The following SAMMSON variants were observed in gnomAD, a reference collection of about 807,000 sequenced individuals.
SAMMSON encodes long intergenic non-protein coding RNA 1212.
intron 2 of SAMMSON, among the ~76,000 whole-genome samples, chr3:70,429,266 AG>A (rs1167671606): frequency 1.3e-5 from 2 of 152,170 alleles, no homozygotes; most frequent in Non-Finnish European, 2.9e-5. Flanking sequence ...CTCAAAGATC[AG>A]ATGGTTGCAG....
At chr3:70,020,683 A>G (rs1347119433) in intron 3 of SAMMSON, among the ~76,000 whole-genome samples, 1 of 152,000 alleles carries the variant, frequency 6.6e-6, no homozygotes, top group Non-Finnish European at 1.5e-5. Context: ...TTCCTTTCCC[A>G]TTAGCTAATG....
intron 4 of SAMMSON, among the ~76,000 whole-genome samples, chr3:70,241,102 C>T (rs1490647237): frequency 6.6e-6 from 1 of 152,110 alleles, no homozygotes; most frequent in Non-Finnish European, 1.5e-5. Flanking sequence ...TCTGTGACTT[C>T]TGTTCATGGA....
At chr3:70,115,388 G>T (rs1373782172) in intron 4 of SAMMSON, among the ~76,000 whole-genome samples, 1 of 151,970 alleles carries the variant, frequency 6.6e-6, no homozygotes, top group African/African-American at 2.4e-5. Flanking sequence ...TTTCAAAAAG[G>T]ATTCTAAAAC....
In SAMMSON at chr3:70,007,439, A is replaced by T. The variant is rs2066932332; in HGVS notation, n.23-4918A>T. Among the ~76,000 whole-genome samples the T allele has an allele frequency of 3.3e-5, 5 of 152,226 alleles. No individual in the cohort carries two copies. The South Asian group carries it at 1.0e-3, about 32-fold the overall frequency. ...TTTCATGTGTCTGTTGGCTGCATAAATGTCTTCTTTTGAGAAGTGTCTGTT... is the reference window on the plus strand; with the variant it reads ...TTTCATGTGTCTGTTGGCTGCATAATTGTCTTCTTTTGAGAAGTGTCTGTT... On this transcript the variant is annotated intron_variant and non_coding_transcript_variant, in intron 1 of 9. Transcript: ENST00000642114.
intron 3 of SAMMSON, among the ~76,000 whole-genome samples, chr3:70,016,963 A>C (rs954061345): frequency 6.6e-6 from 1 of 152,172 alleles, no homozygotes; most frequent in African/African-American, 2.4e-5. Flanking sequence ...TTTTGGTACC[A>C]GTACCATGCT....
At chr3:70,370,760 A>G (rs1391039602) in intron 9 of SAMMSON, among the ~76,000 whole-genome samples, 1 of 151,888 alleles carries the variant, frequency 6.6e-6, no homozygotes, top group Non-Finnish European at 1.5e-5. Flanking sequence ...TCTTTCATTC[A>G]ACAGGTTGTG....
At chr3:70,113,776 T>C (rs1037622155) in intron 4 of SAMMSON, among the ~76,000 whole-genome samples, 1 of 152,098 alleles carries the variant, frequency 6.6e-6, no homozygotes, top group Non-Finnish European at 1.5e-5. Flanking sequence ...TGGGAAATAA[T>C]TAGGTTTAGA....
intron 9 of SAMMSON, among the ~76,000 whole-genome samples, chr3:70,389,057 T>G (rs1051605516): frequency 2.0e-5 from 3 of 152,074 alleles, no homozygotes; most frequent in Non-Finnish European, 2.9e-5. Flanking sequence ...TCTCTCTTGC[T>G]TCCTCTCTTG....
chr3:70,347,211 A>G (rs958975531), intron 7 of SAMMSON, among the ~76,000 whole-genome samples: 3 of 152,256 alleles, frequency 2.0e-5, no homozygotes, highest in African/African-American at 7.2e-5. Context: ...AGTGGCAAGT[A>G]CAAAAATTCC....
chr3:70,350,081 C>T (rs2106734207), intron 7 of SAMMSON, among the ~76,000 whole-genome samples: 1 of 152,268 alleles, frequency 6.6e-6, no homozygotes, highest in East Asian at 1.9e-4. Flanking sequence ...TGGTGACACA[C>T]TATGATCCAA....
chr3:70,235,116 T>C (rs1245983762), intron 4 of SAMMSON, among the ~76,000 whole-genome samples: 1 of 152,156 alleles, frequency 6.6e-6, no homozygotes, highest in Non-Finnish European at 1.5e-5. Flanking sequence ...CCAACCTCTA[T>C]TGGAGAAGAA....
intron 7 of SAMMSON, among the ~76,000 whole-genome samples, chr3:70,333,881 A>G (rs1380795710): frequency 1.3e-5 from 2 of 152,234 alleles, no homozygotes; most frequent in Non-Finnish European, 1.5e-5. Flanking sequence ...ACGTGAGAGA[A>G]ATTAAACTTG....
intron 3 of SAMMSON, among the ~76,000 whole-genome samples, chr3:70,045,015 TAATTAATTATAATATATATTATAATTA>T (rs2067119191): frequency 2.4e-5 from 3 of 126,358 alleles, no homozygotes; most frequent in African/African-American, 9.5e-5. Flanking sequence ...TATATATATA[TAATTAATTATAATATATATTATAATTA>T]ATATATATAA....
chr3:70,213,710 T>C (rs1022816512), intron 4 of SAMMSON, among the ~76,000 whole-genome samples: 1 of 152,126 alleles, frequency 6.6e-6, no homozygotes, highest in African/African-American at 2.4e-5. Flanking sequence ...ATTTTTGTTG[T>C]TAAAATGTAT....
intron 9 of SAMMSON, among the ~76,000 whole-genome samples, chr3:70,363,509 T>A: frequency 6.6e-6 from 1 of 151,918 alleles, no homozygotes; most frequent in Non-Finnish European, 1.5e-5. Context: ...ACATCTACAG[T>A]CAAGAATCAG....
At chr3:70,424,945 GAAGA>G (rs1266560809) in intron 2 of SAMMSON, 1 of 151,996 alleles carries the variant, frequency 6.6e-6, no homozygotes, top group Non-Finnish European at 1.5e-5. Context: ...AAAGGATGAA[GAAGA>G]AAGAGGAGGA....
intron 6 of SAMMSON, among the ~76,000 whole-genome samples, chr3:70,274,631 G>C (rs1702004383): frequency 6.6e-6 from 1 of 152,156 alleles, no homozygotes; most frequent in Non-Finnish European, 1.5e-5. Flanking sequence ...TCCTGTTGGG[G>C]ATGGAGCGGT....
chr3:70,359,031 C>T (rs1173539402), intron 9 of SAMMSON, among the ~76,000 whole-genome samples: 1 of 151,844 alleles, frequency 6.6e-6, no homozygotes, highest in Non-Finnish European at 1.5e-5. Flanking sequence ...ATTTGTTCCA[C>T]CCACCCCCAG....
intron 4 of SAMMSON, among the ~76,000 whole-genome samples, chr3:70,187,728 G>T (rs148473052): frequency 6.6e-6 from 1 of 151,788 alleles, no homozygotes; most frequent in Non-Finnish European, 1.5e-5. Context: ...GAGCCACCGC[G>T]CCCGGCCGGG....
Sources: gnomAD v4.1 joint callset for allele counts (sites outside exome capture counted in the v4.1 genomes callset) on GRCh38, gnomAD v4.1.1 for gene constraint, MANE v1.5 for transcripts, NCBI Gene and HGNC (gene_info 2026-07-23, HGNC 2026-07-21) for gene names.